The following PKD1 variants were observed in gnomAD, a reference collection of about 807,000 sequenced individuals.
PKD1 encodes polycystin 1, transient receptor potential channel interacting, also known as polycystin-1.
Under a neutral mutation model 361.7 loss-of-function variants are expected in PKD1, and 81 were observed. The observed-to-expected ratio is 0.22, with a 90% confidence interval of 0.19 to 0.27. PKD1 has a LOEUF of 0.27. Ranked by LOEUF, PKD1 falls within the 10% of genes least tolerant of loss-of-function variation. The pLI is 1.00. For missense variants in PKD1, 6,399 were observed against 6,118.3 expected (o/e 1.05, Z -1.53); for synonymous variants, 3,615 against 2,818.3 (o/e 1.28, Z -8.95).
rs1461191453 is a variant in PKD1, at chr16:2,111,203, C to A, written c.3964G>T (p.Ala1322Ser). The A allele has an allele frequency of 6.8e-6, 11 of 1,611,218 alleles. No homozygotes were observed. Among genetic ancestry groups the A allele is most frequent in the Non-Finnish European group, 9.3e-6 (11 of 1,179,722 alleles). The change falls in exon 15 of 46, where the codon GCC becomes TCC. Residue 1322 changes from alanine to serine, a missense_variant. Physicochemically the swap from Ala to Ser is moderately conservative, Grantham distance 99. Coordinates refer to ENST00000262304, the MANE Select transcript of PKD1 (RefSeq NM_001009944.3). ...RLTAYVTGNPAHYLFDWTFGD... is the reference protein window; with the variant it reads ...RLTAYVTGNPSHYLFDWTFGD... The stretch of plus-strand genomic sequence containing the variant: ...AAGGTCCAGTCGAAGAGGTAGTGGG[C>A]CGGGTTCCCGGTGACGTAGGCCGTG...
chr16:2,104,192 A>C (rs2092231022), intron 22 of PKD1, among the ~76,000 whole-genome samples: 1 of 15,034 alleles, frequency 6.7e-5, no homozygotes. Context: ...AAGGGAGGGG[A>C]AGGGGGATAA....
chr16:2,101,709 G>T (rs1293943869), intron 26 of PKD1, among the ~76,000 whole-genome samples: 1 of 152,284 alleles, frequency 6.6e-6, no homozygotes, highest in African/African-American at 2.4e-5. Flanking sequence ...GCCACGGGGA[G>T]GGTGCTGGCG....
chr16:2,096,526 TG>T (rs368163370), intron 34 of PKD1, among the ~76,000 whole-genome samples: 20 of 152,094 alleles, frequency 1.3e-4, no homozygotes, highest in African/African-American at 4.6e-4. Context: ...GGAATTTTTT[TG>T]TTTTTGAGAC....
At chr16:2,107,597 T>C (rs938749216) in intron 16 of PKD1, 4 of 521,456 alleles carry the variant, frequency 7.7e-6, no homozygotes, top group Admixed American at 6.1e-5. Flanking sequence ...CTGGGGACAG[T>C]GGCTACCTCT....
In PKD1 at chr16:2,091,656, C is replaced by T. The variant is rs543715117; in HGVS notation, c.11538-59G>A. 107 of 1,557,418 alleles carry T rather than the reference C, an allele frequency of 6.9e-5. 1 individual carries two copies. In the Admixed American group the frequency reaches 1.9e-3, roughly 27 times the overall value. On this transcript the variant is annotated intron_variant, in intron 41 of 45. Coordinates refer to ENST00000262304, the MANE Select transcript of PKD1 (RefSeq NM_001009944.3). ...GGCAGGGCGGGAGCTGCGGGGACCG[C>T]GCAGTGCAGGCGTGGCTGAGGGGCT... is the stretch of plus-strand genomic sequence containing the variant.
intron 3 of PKD1, 50 bp downstream of exon 3, chr16:2,119,064 T>C (rs752796860): frequency 2.0e-4 from 205 of 1,048,608 alleles, no homozygotes; most frequent in African/African-American, 4.3e-4. Flanking sequence ...AGAAGGGATA[T>C]TGGGGGCCTG....
At position 2,102,895 on chromosome 16, in the gene PKD1, T is replaced by C. The variant is rs943912017; in HGVS notation, c.8867A>G (p.Asn2956Ser). 10 of 1,609,882 alleles carry C rather than the reference T, an allele frequency of 6.2e-6. No homozygotes were observed. In the African/African-American group the frequency reaches 1.2e-4, roughly 19 times the overall value. The change falls in exon 24 of 46, where the codon AAC becomes AGC. Residue 2956 changes from asparagine (N) to serine (S), a missense_variant. Physicochemically the swap from Asn to Ser is conservative, Grantham distance 46 (BLOSUM62 1). Coordinates refer to ENST00000262304, the MANE Select transcript of PKD1 (RefSeq NM_001009944.3). ...GCGGATCCTCCTGCTAGCCGAGCAGTTGTGCTCATTGGGCCGGGGCTCCGA... is the reference window on the plus strand; with the variant it reads ...GCGGATCCTCCTGCTAGCCGAGCAGCTGTGCTCATTGGGCCGGGGCTCCGA... ...LHSEPRPNEH[N>S]CSASRRIRPE...
intron 1 of PKD1, among the ~76,000 whole-genome samples, chr16:2,123,132 C>A (rs1216201158): frequency 6.6e-6 from 1 of 152,202 alleles, no homozygotes; most frequent in African/African-American, 2.4e-5. Context: ...CGCCAGCAGG[C>A]AGCCCTGCCT....
In PKD1 at chr16:2,090,839, C is replaced by T. The variant is rs1358948736; in HGVS notation, c.12004-31G>A. The T allele has an allele frequency of 2.5e-6, 4 of 1,611,130 alleles. No individual in the cohort carries two copies. In the South Asian group the frequency reaches 3.3e-5, roughly 13 times the overall value. ...GACGAGAAATCTGTCTGCTTGCAGCCCTGGGGTGTGCGCCCAGCCCCGCGC... is the reference window on the plus strand; with the variant it reads ...GACGAGAAATCTGTCTGCTTGCAGCTCTGGGGTGTGCGCCCAGCCCCGCGC... On this transcript the variant is annotated intron_variant, in intron 43 of 45. Transcript: ENST00000262304.
At chr16:2,115,942 C>T (rs1318668457) in intron 9 of PKD1, 50 bp downstream of exon 9, 3 of 1,538,588 alleles carry the variant, frequency 1.9e-6, no homozygotes, top group South Asian at 1.2e-5. Context: ...GAGAGGCCAC[C>T]CCGAGTCCTG....
In PKD1 at chr16:2,106,386, G is replaced by A. The variant is rs772286396; in HGVS notation, c.7489+12C>T. On this transcript the variant is annotated intron_variant, in intron 18 of 45. Coordinates refer to ENST00000262304, the MANE Select transcript of PKD1 (RefSeq NM_001009944.3). This position sits in a 1 kb window ranked among gnomAD's most constrained non-coding sequence, Gnocchi z 6.5. Reference sequence around the variant, plus strand: ...GGATCCCGCTGCTCCCCCCACGCAGGCCTGCACTCACCCGTGCATTCGAAG... The same window carrying A: ...GGATCCCGCTGCTCCCCCCACGCAGACCTGCACTCACCCGTGCATTCGAAG... 1.0e-5 allele frequency: 16 copies of A among 1,592,600 alleles called. No individual in the cohort carries two copies. The African/African-American group carries it at 1.1e-4, about 11-fold the overall frequency.
chr16:2,112,535 G>A (rs2092542480), intron 13 of PKD1, 62 bp from the exon 14 acceptor site: 2 of 1,467,010 alleles, frequency 1.4e-6, no homozygotes, highest in South Asian at 1.2e-5. Context: ...GCGGGGCAGG[G>A]GGTGCTTGGG....
At chr16:2,124,814 G>A (rs1354804279) in intron 1 of PKD1, among the ~76,000 whole-genome samples, 1 of 152,232 alleles carries the variant, frequency 6.6e-6, no homozygotes, top group Non-Finnish European at 1.5e-5. Context: ...CGGCTCGGAG[G>A]GGCCGCCTGC....
At position 2,089,487 on chromosome 16, in the gene PKD1, A is replaced by G; in HGVS notation, c.*240T>C. On this transcript the variant is annotated 3_prime_UTR_variant, in exon 46 of 46. Transcript: ENST00000262304. ...GAAATAAATTAGCATCTCAGAGGCT[A>G]GAAACCGTCCAATACTGCTGTGTCC... The G allele has an allele frequency of 1.7e-6, 1 of 575,614 alleles. No individual in the cohort carries two copies. The highest frequency in any genetic ancestry group is 3.1e-6 in the Non-Finnish European group (1 of 323,326). 35.7% of individuals were successfully genotyped at this position (575,614 alleles called of 1,614,324 possible).
intron 34 of PKD1, chr16:2,096,937 G>T (rs1337772309): frequency 1.7e-6 from 1 of 596,168 alleles, no homozygotes; most frequent in South Asian, 2.0e-5. Flanking sequence ...CCATGAGCCT[G>T]CTCCCTCCCT....
At chr16:2,129,583 C>A (rs1186636819) in intron 1 of PKD1, among the ~76,000 whole-genome samples, 2 of 124,548 alleles carry the variant, frequency 1.6e-5, no homozygotes, top group African/African-American at 6.3e-5. Flanking sequence ...CAGGGTCTTG[C>A]TCTGTGACCC....
chr16:2,099,151 G>A (rs1349202849), intron 30 of PKD1: 2 of 326,180 alleles, frequency 6.1e-6, no homozygotes, highest in Admixed American at 4.5e-5. Flanking sequence ...GTTTTATATA[G>A]ATGGGGTCTT....
intron 6 of PKD1, among the ~76,000 whole-genome samples, chr16:2,117,265 C>T (rs914739120): frequency 1.1e-4 from 17 of 152,308 alleles, no homozygotes; most frequent in Admixed American, 1.1e-3. Flanking sequence ...TGCAGGCCAC[C>T]TCCCGTATGG....
chr16:2,100,272 G>A lies in PKD1; in HGVS notation c.9606C>T (p.Val3202=), dbSNP rs1264728400. The A allele has an allele frequency of 6.2e-7, 1 of 1,610,836 alleles. No homozygotes were observed. Among genetic ancestry groups the A allele is most frequent in the Admixed American group, 1.7e-5 (1 of 60,018 alleles). The stretch of plus-strand genomic sequence containing the variant: ...CGCTGCGTGCCGTCTGCAGGTCCCT[G>A]ACGATGACGTGCTGCAGGAACCAGG... ...SPAWFLQHVI[V]RDLQTARSAF... is the part of the protein sequence containing the mutation. The change falls in exon 28 of 46, where the codon GTC becomes GTT. Residue 3202 remains valine (V), a synonymous_variant. Coordinates refer to ENST00000262304, the MANE Select transcript of PKD1 (RefSeq NM_001009944.3). This position sits in a 1 kb window ranked among gnomAD's most constrained non-coding sequence, Gnocchi z 4.4.
Sources: gnomAD v4.1 joint callset for allele counts (sites outside exome capture counted in the v4.1 genomes callset) on GRCh38, gnomAD v4.1.1 for gene constraint, Gnocchi (gnomAD v3.1) non-coding constraint, MANE v1.5 for transcripts, NCBI Gene and HGNC (gene_info 2026-07-23, HGNC 2026-07-21) for gene names.